Variants in JADE2 observed in about 807,000 individuals in gnomAD.
The protein encoded by JADE2 is E3 ubiquitin-protein ligase Jade-2.
In JADE2, 13 loss-of-function variants were observed where a neutral mutation model predicts 85.7. The ratio of observed to expected loss-of-function variants is 0.15; its 90% CI spans 0.10 to 0.24. The LOEUF (loss-of-function observed/expected upper bound fraction) is 0.24. Ranked by LOEUF, JADE2 falls within the 10% of genes least tolerant of loss-of-function variation. The probability of loss-of-function intolerance (pLI) is 1.00; values close to 1 mark genes in which losing one functional copy is unlikely to be tolerated. For synonymous variants in JADE2, 440 were observed against 456.1 expected (o/e 0.96, Z 0.45); for missense variants, 846 against 1,115.9 (o/e 0.76, Z 3.45).
rs1200744335 is a variant in JADE2 at position 134,525,713 on chromosome 5, A to G, written c.-299A>G. 8.1e-7 allele frequency: 1 copy of G among 1,239,636 alleles called. No individual in the cohort carries two copies. Among genetic ancestry groups the G allele is most frequent in the South Asian group, 1.3e-5 (1 of 76,062 alleles). 76.8% of individuals were successfully genotyped at this position (1,239,636 alleles called of 1,614,324 possible). On this transcript the variant is annotated 5_prime_UTR_variant, in exon 1 of 12. Transcript: ENST00000681547. ...TTGGTGAATGGTGCCGACCGCGGCC[A>G]TCGCAGTTGGAGGCTATTTTTTGGG... is the stretch of plus-strand genomic sequence containing the variant.
At chr5:134,567,356 C>T (rs568309050) in intron 9 of JADE2, among the ~76,000 whole-genome samples, 1 of 152,160 alleles carries the variant, frequency 6.6e-6, no homozygotes, top group Non-Finnish European at 1.5e-5. Flanking sequence ...CTGAAAACCA[C>T]CCCCAGCTGT....
intron 11 of JADE2, 176 bp downstream of exon 11, chr5:134,577,072 T>TC: frequency 1.5e-6 from 1 of 672,336 alleles, no homozygotes; most frequent in Non-Finnish European, 2.4e-6. Context: ...AGGAGACAGA[T>TC]CTCAGAGCCC....
At position 134,579,358 on chromosome 5, in the gene JADE2, C is replaced by G. The variant is rs769963513; in HGVS notation, c.*41C>G. The stretch of plus-strand genomic sequence containing the variant: ...GTCCCAGGCCCTGCCCTGGTCCCCC[C>G]ACAAGGCCTCAGCCCAGTCACAACT... On this transcript the variant is annotated 3_prime_UTR_variant, in exon 12 of 12. Transcript: ENST00000681547. The surrounding 1 kb of genome is among the most constrained non-coding windows in gnomAD (Gnocchi z 4.6). 2 of 1,456,492 alleles carry G rather than the reference C, an allele frequency of 1.4e-6. No individual in the cohort carries two copies. The highest frequency in any genetic ancestry group is 4.9e-5 in the East Asian group (2 of 40,846). 90.2% of individuals were successfully genotyped at this position (1,456,492 alleles called of 1,614,324 possible).
chr5:134,536,039 A>G, intron 2 of JADE2, 124 bp downstream of exon 2: 1 of 837,258 alleles, frequency 1.2e-6, no homozygotes. Flanking sequence ...TGATGAAAGC[A>G]TAAATCAAGT....
intron 3 of JADE2, among the ~76,000 whole-genome samples, chr5:134,541,136 C>T (rs1761937954): frequency 6.6e-6 from 1 of 152,240 alleles, no homozygotes; most frequent in Non-Finnish European, 1.5e-5. Flanking sequence ...ACCTCAAGTC[C>T]TGGGCTCTAG....
intron 1 of JADE2, among the ~76,000 whole-genome samples, chr5:134,530,451 C>T (rs921341824): frequency 6.6e-6 from 1 of 151,958 alleles, no homozygotes; most frequent in Non-Finnish European, 1.5e-5. Context: ...CCTAGTGGCC[C>T]CTGGAGAGGA....
At chr5:134,527,890 G>C (rs1052904155) in intron 1 of JADE2, among the ~76,000 whole-genome samples, 6 of 152,180 alleles carry the variant, frequency 3.9e-5, no homozygotes, top group African/African-American at 1.4e-4. Flanking sequence ...CGGCGATTCT[G>C]GTCTCTGCAG....
chr5:134,535,944 G>A (rs1181053501), intron 2 of JADE2, 29 bp downstream of exon 2: 1 of 1,602,212 alleles, frequency 6.2e-7, no homozygotes, highest in Non-Finnish European at 8.6e-7. Flanking sequence ...GGCTCCTACA[G>A]GGAAAGCATT....
In JADE2 at chr5:134,525,676, A is replaced by T; in HGVS notation, c.-336A>T. On this transcript the variant is annotated 5_prime_UTR_variant, in exon 1 of 12. Coordinates refer to ENST00000681547, the MANE Select transcript of JADE2 (RefSeq NM_001388185.1). ...TCTTGGTTTAAAAAGAAACAGAAAC[A>T]TACACAGGGGGTTGGTGAATGGTGC... 1 of 1,257,082 alleles carries T rather than the reference A, an allele frequency of 8.0e-7. No individual in the cohort carries two copies. Among genetic ancestry groups the T allele is most frequent in the South Asian group, 1.3e-5 (1 of 78,616 alleles). The allele number at this position is 1,257,082 out of a possible 1,614,324, so 77.9% of individuals were successfully genotyped here. A position where few individuals can be genotyped will look rare whatever the true frequency, so the allele number is the denominator to read the frequency against.
At chr5:134,557,268 A>ATTTTT (rs59125974) in intron 4 of JADE2, among the ~76,000 whole-genome samples, 15 of 137,876 alleles carry the variant, frequency 1.1e-4, no homozygotes, top group East Asian at 4.2e-4. Flanking sequence ...TTATTTTTTT[A>ATTTTT]TTTTTTTTTT....
At chr5:134,558,366 G>A (rs1353557694) in intron 4 of JADE2, among the ~76,000 whole-genome samples, 1 of 144,064 alleles carries the variant, frequency 6.9e-6, no homozygotes, top group Admixed American at 7.1e-5. Context: ...CTTTTGCTGT[G>A]CAGAAGCTCT....
intron 1 of JADE2, among the ~76,000 whole-genome samples, chr5:134,527,405 G>A (rs982286360): frequency 6.6e-6 from 1 of 152,080 alleles, no homozygotes; most frequent in Non-Finnish European, 1.5e-5. Flanking sequence ...GCCAGAGGAT[G>A]GGGTTGCCTG....
At chr5:134,539,732 G>T (rs1761854980) in intron 3 of JADE2, among the ~76,000 whole-genome samples, 1 of 152,262 alleles carries the variant, frequency 6.6e-6, no homozygotes. Flanking sequence ...GGGTTGGAGA[G>T]GATGTCTTTG....
intron 3 of JADE2, among the ~76,000 whole-genome samples, chr5:134,541,766 G>A (rs1761974939): frequency 6.6e-6 from 1 of 152,218 alleles, no homozygotes; most frequent in Non-Finnish European, 1.5e-5. Flanking sequence ...GGGTTTGGGT[G>A]GGATAGGCAG....
chr5:134,577,213 A>G (rs945148947), intron 11 of JADE2, among the ~76,000 whole-genome samples: 1 of 152,146 alleles, frequency 6.6e-6, no homozygotes, highest in Admixed American at 6.5e-5. Context: ...GGCCCCTGGG[A>G]CAGCCCCATG....
Position 134,525,690 on chromosome 5 carries a change from G to A in JADE2, c.-322G>A. ...GAAACAGAAACATACACAGGGGGTTGGTGAATGGTGCCGACCGCGGCCATC... is the reference window on the plus strand; with the variant it reads ...GAAACAGAAACATACACAGGGGGTTAGTGAATGGTGCCGACCGCGGCCATC... On this transcript the variant is annotated 5_prime_UTR_variant, in exon 1 of 12. Transcript: ENST00000681547. 2 of 1,258,288 alleles carry A rather than the reference G, an allele frequency of 1.6e-6. No homozygotes were observed. Among genetic ancestry groups the A allele is most frequent in the African/African-American group, 3.2e-5 (2 of 62,048 alleles). 77.9% of individuals were successfully genotyped at this position (1,258,288 alleles called of 1,614,324 possible).
chr5:134,528,614 G>A (rs1242936360), intron 1 of JADE2, among the ~76,000 whole-genome samples: 2 of 152,210 alleles, frequency 1.3e-5, no homozygotes, highest in African/African-American at 4.8e-5. Context: ...GGTAGAGGAA[G>A]GGATGTTTGT....
chr5:134,569,176 T>G (rs552376343), intron 9 of JADE2, among the ~76,000 whole-genome samples: 46 of 152,292 alleles, frequency 3.0e-4, no homozygotes, highest in African/African-American at 1.1e-3. Context: ...TTGGCCGTGA[T>G]TGTTGTTACT....
chr5:134,571,075 C>T (rs1255258651), intron 9 of JADE2, among the ~76,000 whole-genome samples: 1 of 152,218 alleles, frequency 6.6e-6, no homozygotes, highest in Non-Finnish European at 1.5e-5. Context: ...GCGGGGGAGT[C>T]TCTCCGTGCC....
Sources: allele counts gnomAD v4.1 joint callset (sites outside exome capture counted in the v4.1 genomes callset), GRCh38; gene constraint gnomAD v4.1.1; non-coding constraint Gnocchi (gnomAD v3.1); transcripts MANE v1.5; gene names NCBI Gene and HGNC (gene_info 2026-07-23, HGNC 2026-07-21).